The following ZNF518A variants were observed in gnomAD, a reference collection of about 807,000 sequenced individuals.
ZNF518A encodes zinc finger protein 518.
A neutral mutation model predicts 102.7 loss-of-function variants in ZNF518A; 47 were observed. The ratio of observed to expected loss-of-function variants is 0.46; its 90% CI spans 0.36 to 0.58. ZNF518A has a LOEUF of 0.58. ZNF518A is among the 20% of genes least tolerant of loss of function. The pLI is 0.00. For missense variants in ZNF518A, 1,793 were observed against 1,699.8 expected (o/e 1.05, Z -0.96); for synonymous variants, 652 against 594.6 (o/e 1.10, Z -1.40).
At chr10:96,204,747 A>T (rs2083750738), downstream of ZNF518A, 17 of 778,514 alleles carry the variant, frequency 2.2e-5, no homozygotes, top group South Asian at 2.5e-4. Flanking sequence ...AGTTACTGAG[A>T]TGTCATGGAT....
chr10:96,167,220 G>C (rs587714093), downstream of ZNF518A, among the ~76,000 whole-genome samples: 1 of 152,318 alleles, frequency 6.6e-6, no homozygotes, highest in South Asian at 2.1e-4. Context: ...CAGCAGTTTG[G>C]GAGGCTGAGG....
At chr10:96,191,990 C>T in intron 1 of ZNF518A, 1 of 1,613,678 alleles carries the variant, frequency 6.2e-7, no homozygotes. Flanking sequence ...ACTTTAACTG[C>T]ATACTTCAGT....
intron 1 of ZNF518A, among the ~76,000 whole-genome samples, chr10:96,193,739 A>C (rs888321180): frequency 4.6e-5 from 7 of 152,240 alleles, no homozygotes; most frequent in African/African-American, 1.2e-4. Context: ...CTGTAAAATT[A>C]CTCAATGTTG....
chr10:96,142,341 TGTGTGTGTGTG>T (rs1564748485), intron 3 of ZNF518A, among the ~76,000 whole-genome samples: 4 of 151,540 alleles, frequency 2.6e-5, no homozygotes, highest in Admixed American at 6.6e-5. Context: ...TGTGTGTGTG[TGTGTGTGTGTG>T]TGTTTCTAGA....
chr10:96,186,934 T>G (rs1554892658), intron 1 of ZNF518A, among the ~76,000 whole-genome samples: 1 of 152,234 alleles, frequency 6.6e-6, no homozygotes, highest in East Asian at 1.9e-4. Context: ...AAGAAAAATG[T>G]TGAGTCCTTA....
At chr10:96,182,391 G>A (rs2083245492) in intron 1 of ZNF518A, among the ~76,000 whole-genome samples, 1 of 152,242 alleles carries the variant, frequency 6.6e-6, no homozygotes, top group East Asian at 1.9e-4. Flanking sequence ...TGAGAAAGAG[G>A]GCATCCCTGT....
intron 1 of ZNF518A, among the ~76,000 whole-genome samples, chr10:96,170,207 T>C (rs2083165714): frequency 6.6e-6 from 1 of 152,248 alleles, no homozygotes; most frequent in South Asian, 2.1e-4. Flanking sequence ...TTCCCAGGCT[T>C]TTCTTCCAAG....
chr10:96,172,861 A>C (rs192545182), intron 1 of ZNF518A, among the ~76,000 whole-genome samples: 1 of 152,316 alleles, frequency 6.6e-6, no homozygotes, highest in African/African-American at 2.4e-5. Context: ...AAACAGTCCA[A>C]TCAAAAGGCA....
At chr10:96,154,798 A>G (rs1239901849) in intron 3 of ZNF518A, among the ~76,000 whole-genome samples, 1 of 152,108 alleles carries the variant, frequency 6.6e-6, no homozygotes, top group African/African-American at 2.4e-5. Context: ...CTGGATTCAC[A>G]TTTTACTGTA....
chr10:96,152,271 C>G (rs2133663268), intron 3 of ZNF518A, among the ~76,000 whole-genome samples: 1 of 151,928 alleles, frequency 6.6e-6, no homozygotes, highest in South Asian at 2.1e-4. Flanking sequence ...TGAGATCACG[C>G]CACTGCACTC....
chr10:96,144,307 T>TA (rs1405181322), intron 3 of ZNF518A, among the ~76,000 whole-genome samples: 41 of 150,450 alleles, frequency 2.7e-4, no homozygotes, highest in Admixed American at 2.2e-3. Flanking sequence ...TTTTAAAAAT[T>TA]AAAAAAAAAA....
rs2082776092 is a variant in ZNF518A, at chr10:96,157,913, A to G, written c.1591A>G (p.Met531Val). 1.2e-6 allele frequency: 2 copies of G among 1,613,874 alleles called. No individual in the cohort carries two copies. Among genetic ancestry groups the G allele is most frequent in the Non-Finnish European group, 1.7e-6 (2 of 1,179,786 alleles). ...LSGKASSEKE[M>V]TLISQRNNML... ...AGGGAAAGCAAGTTCAGAAAAAGAA[A>G]TGACTTTGATATCTCAAAGGAATAA... The change falls in exon 6 of 6, where the codon ATG (methionine) becomes GTG (valine). Residue 531 changes from methionine to valine, a missense_variant. By Grantham distance (21) the Met-to-Val change is conservative. Transcript: ENST00000316045.
chr10:96,135,978 A>T (rs782696579), intron 3 of ZNF518A, among the ~76,000 whole-genome samples: 7 of 152,202 alleles, frequency 4.6e-5, no homozygotes, highest in Non-Finnish European at 8.8e-5. Context: ...AATAACTGAA[A>T]AAAGGATGGA....
At chr10:96,167,921 GT>G (rs2083151773), downstream of ZNF518A, among the ~76,000 whole-genome samples, 1 of 152,204 alleles carries the variant, frequency 6.6e-6, no homozygotes, top group Non-Finnish European at 1.5e-5. Flanking sequence ...ACAGGAGGTT[GT>G]AAAACAAGTC....
In ZNF518A at chr10:96,158,955, T is replaced by A. The variant is rs782016997; in HGVS notation, c.2633T>A (p.Met878Lys). ...IPQDVRDSEKMPRISGFGTLL... is the reference protein window; with the variant it reads ...IPQDVRDSEKKPRISGFGTLL... ...CAAGATGTGAGAGATTCAGAGAAGA[T>A]GCCTAGAATTTCAGGTTTTGGCACA... The change falls in exon 6 of 6, where the codon ATG becomes AAG. Residue 878 changes from methionine to lysine, a missense_variant. Met to Lys is a moderately conservative substitution (Grantham distance 95, BLOSUM62 -1). This residue lies in a region of ZNF518A where 1,741 missense variants were observed against 1,622.6 expected (regional missense o/e 1.07). Coordinates refer to ENST00000316045, the MANE Select transcript of ZNF518A (RefSeq NM_001330736.2). 1.2e-6 allele frequency: 2 copies of A among 1,613,564 alleles called. No individual in the cohort carries two copies. Among genetic ancestry groups the A allele is most frequent in the Non-Finnish European group, 1.7e-6 (2 of 1,179,716 alleles).
intron 3 of ZNF518A, among the ~76,000 whole-genome samples, chr10:96,142,305 G>GGTGTGTGTGTGTGT (rs60624825): frequency 3.6e-4 from 38 of 104,126 alleles, no homozygotes; most frequent in Admixed American, 1.8e-3. Context: ...ATATTCTTAG[G>GGTGTGTGTGTGTGT]GTGTGTGTGT....
chr10:96,148,158 G>A (rs1554879150), intron 3 of ZNF518A, among the ~76,000 whole-genome samples: 1 of 151,896 alleles, frequency 6.6e-6, no homozygotes, highest in Non-Finnish European at 1.5e-5. Context: ...GTTTTGTCTT[G>A]GCCGGGCGCG....
At position 96,130,432 on chromosome 10, in the gene ZNF518A, A is replaced by G. The variant is rs1269600732; in HGVS notation, c.-773A>G. On this transcript the variant is annotated 5_prime_UTR_variant, in exon 1 of 6. Coordinates refer to ENST00000316045, the MANE Select transcript of ZNF518A (RefSeq NM_001330736.2). ...CTTTTTGAACTCTACACTCTCCTAC[A>G]TTCTAGGAGCTGGGTGGGAGTAGGA... Among the ~76,000 whole-genome samples, 1 of 152,120 alleles carries G rather than the reference A, an allele frequency of 6.6e-6. No individual in the cohort carries two copies. The highest frequency in any genetic ancestry group is 6.5e-5 in the Admixed American group (1 of 15,288).
chr10:96,199,532 T>C (rs76040811), intron 1 of ZNF518A: 2 of 460,320 alleles, frequency 4.3e-6, no homozygotes, highest in South Asian at 1.5e-5. Context: ...AGGCTGTGGG[T>C]CCTTGAGGAG....
Sources: allele counts gnomAD v4.1 joint callset (sites outside exome capture counted in the v4.1 genomes callset), GRCh38; gene constraint gnomAD v4.1.1; regional missense constraint gnomAD v4.1.1; transcripts MANE v1.5; gene names NCBI Gene and HGNC (gene_info 2026-07-23, HGNC 2026-07-21).